SGCZ: variants seen among roughly 807,000 people sequenced by gnomAD.
The protein encoded by SGCZ is sarcoglycan zeta.
A neutral mutation model predicts 41.3 loss-of-function variants in SGCZ; 40 were observed. That is an observed-to-expected ratio of 0.97 (90% CI 0.75 to 1.26). The LOEUF (loss-of-function observed/expected upper bound fraction) is 1.26, where lower values mean the gene tolerates loss of function less well. Among genes scored for constraint, SGCZ ranks in the 50% most tolerant of loss-of-function variants. SGCZ has a pLI of 0.00. For missense variants in SGCZ, 552 were observed against 369.8 expected, an observed-to-expected ratio of 1.49 and a Z score of -4.04; for synonymous variants, 206 against 137.5, an observed-to-expected ratio of 1.50 and a Z score of -3.49.
intron 1 of SGCZ, among the ~76,000 whole-genome samples, chr8:15,112,497 G>A (rs1278454529): frequency 1.3e-5 from 2 of 152,188 alleles, no homozygotes; most frequent in African/African-American, 2.4e-5. Flanking sequence ...TTCCTATTGA[G>A]ACATAGAGAC....
chr8:15,234,641 A>T (rs1802063817), intron 1 of SGCZ, among the ~76,000 whole-genome samples: 1 of 152,240 alleles, frequency 6.6e-6, no homozygotes, highest in African/African-American at 2.4e-5. Context: ...TTTAATGATA[A>T]TGGCAGCAAT....
intron 1 of SGCZ, among the ~76,000 whole-genome samples, chr8:14,793,874 A>G (rs1318488662): frequency 6.6e-6 from 1 of 152,140 alleles, no homozygotes; most frequent in Non-Finnish European, 1.5e-5. Context: ...ATATCAATAC[A>G]TGAGAAATGA....
intron 4 of SGCZ, among the ~76,000 whole-genome samples, chr8:14,190,737 G>A (rs1056989971): frequency 3.3e-5 from 5 of 151,800 alleles, no homozygotes; most frequent in South Asian, 2.1e-4. Flanking sequence ...CAAGTAGCTG[G>A]GACTACAGGT....
intron 1 of SGCZ, among the ~76,000 whole-genome samples, chr8:14,769,589 C>T (rs112139940): frequency 0.055 from 8,374 of 151,846 alleles, 786 homozygotes; most frequent in African/African-American, 0.19. Context: ...GTCGGGAGTT[C>T]GAGACCAGCC....
At chr8:14,796,490 C>T (rs1801135920) in intron 1 of SGCZ, among the ~76,000 whole-genome samples, 1 of 151,818 alleles carries the variant, frequency 6.6e-6, no homozygotes, top group Non-Finnish European at 1.5e-5. Flanking sequence ...TCTTTATGAA[C>T]ACTTTTGAAA....
intron 1 of SGCZ, among the ~76,000 whole-genome samples, chr8:14,941,596 C>A (rs537956416): frequency 1.3e-5 from 2 of 151,964 alleles, no homozygotes; most frequent in South Asian, 2.1e-4. Context: ...TAACATATTA[C>A]ATATGTTAAG....
chr8:14,724,679 T>A (rs1211803479), intron 1 of SGCZ, among the ~76,000 whole-genome samples: 1 of 111,568 alleles, frequency 9.0e-6, no homozygotes. Flanking sequence ...AAAAGAGTTA[T>A]CACTAAGTGA....
intron 4 of SGCZ, among the ~76,000 whole-genome samples, chr8:14,166,325 C>T (rs1804209154): frequency 6.6e-6 from 1 of 152,100 alleles, no homozygotes; most frequent in Non-Finnish European, 1.5e-5. Flanking sequence ...ATCTTGAAAA[C>T]ATTATTTCGA....
chr8:15,197,089 C>T (rs1312529167), intron 1 of SGCZ, among the ~76,000 whole-genome samples: 1 of 152,194 alleles, frequency 6.6e-6, no homozygotes, highest in Non-Finnish European at 1.5e-5. Context: ...AAGACACAAA[C>T]CCAGTTCAGA....
chr8:14,424,866 G>A (rs1043758300), intron 2 of SGCZ, among the ~76,000 whole-genome samples: 1 of 152,054 alleles, frequency 6.6e-6, no homozygotes, highest in Non-Finnish European at 1.5e-5. Context: ...GATTTGAACG[G>A]CTGGTAAAAT....
chr8:14,976,001 C>CATATATATATATATATACAT (rs145427292), intron 1 of SGCZ, among the ~76,000 whole-genome samples: 2 of 140,174 alleles, frequency 1.4e-5, no homozygotes, highest in Non-Finnish European at 3.0e-5. Context: ...TATATATATA[C>CATATATATATATATATACAT]ATATATATAT....
At chr8:14,618,762 G>C (rs1441721190) in intron 1 of SGCZ, among the ~76,000 whole-genome samples, 1 of 152,094 alleles carries the variant, frequency 6.6e-6, no homozygotes, top group African/African-American at 2.4e-5. Flanking sequence ...AGCCACCGAG[G>C]TCATGTGAAA....
chr8:14,263,391 A>C (rs1384219611), intron 3 of SGCZ, among the ~76,000 whole-genome samples: 1 of 152,188 alleles, frequency 6.6e-6, no homozygotes, highest in East Asian at 1.9e-4. Context: ...TCTACCAAAA[A>C]TACAAAAATT....
At chr8:15,018,312 G>A (rs1416826128) in intron 1 of SGCZ, among the ~76,000 whole-genome samples, 3 of 152,038 alleles carry the variant, frequency 2.0e-5, no homozygotes, top group Admixed American at 1.3e-4. Flanking sequence ...TTTTTAGGTG[G>A]GAAGAGATAA....
chr8:15,121,478 C>G (rs577204104), intron 1 of SGCZ, among the ~76,000 whole-genome samples: 1 of 152,260 alleles, frequency 6.6e-6, no homozygotes, highest in African/African-American at 2.4e-5. Flanking sequence ...ATCCACTGAA[C>G]ACACATGAGG....
intron 2 of SGCZ, among the ~76,000 whole-genome samples, chr8:14,474,481 T>C (rs1039002554): frequency 6.6e-5 from 10 of 152,204 alleles, no homozygotes; most frequent in Admixed American, 3.3e-4. Flanking sequence ...TAGTATCAGA[T>C]GCACATTTTG....
chr8:14,583,933 T>C (rs1346807199), intron 1 of SGCZ, among the ~76,000 whole-genome samples: 2 of 152,178 alleles, frequency 1.3e-5, no homozygotes, highest in African/African-American at 2.4e-5. Context: ...GTATGATGCC[T>C]TAAATTATTT....
chr8:14,657,866 A>G (rs902587491), intron 1 of SGCZ, among the ~76,000 whole-genome samples: 2 of 152,202 alleles, frequency 1.3e-5, no homozygotes, highest in African/African-American at 4.8e-5. Context: ...CTAAAATAAT[A>G]TGTAAAATAT....
At chr8:14,329,724 G>C (rs11203599) in intron 2 of SGCZ, among the ~76,000 whole-genome samples, 30,101 of 152,110 alleles carry the variant, frequency 0.2, 3,746 homozygotes, top group Non-Finnish European at 0.29. Flanking sequence ...TTATAAAACA[G>C]ACTCTTCCAG....
Sources: allele counts gnomAD v4.1 joint callset (sites outside exome capture counted in the v4.1 genomes callset), GRCh38; gene constraint gnomAD v4.1.1; transcripts MANE v1.5; gene names NCBI Gene and HGNC (gene_info 2026-07-23, HGNC 2026-07-21).